SYNE1: variants seen among roughly 807,000 people sequenced by gnomAD.
The protein encoded by SYNE1 is nesprin-1.
SYNE1 carries 616 observed loss-of-function variants against 1,111.0 expected under a neutral mutation model. The ratio of observed to expected loss-of-function variants is 0.55; its 90% CI spans 0.52 to 0.59. The LOEUF (loss-of-function observed/expected upper bound fraction) is 0.59, where lower values mean the gene tolerates loss of function less well. Among genes scored for constraint, SYNE1 ranks in the 20% least tolerant of loss-of-function variants. The pLI is 0.00. For synonymous variants in SYNE1, 3,855 were observed against 3,825.8 expected (o/e 1.01, Z -0.28); for missense variants, 10,006 against 10,417.0 (o/e 0.96, Z 1.72).
At position 152,428,378 on chromosome 6, in the gene SYNE1, G is replaced by A. The variant is rs1171814322; in HGVS notation, c.4803C>T (p.Ala1601=). Residue 1601 remains alanine, a synonymous_variant, in exon 37 of 146, where the codon GCC becomes GCT. Transcript: ENST00000367255. The part of the protein sequence containing the change: ...VLQEHMDLCQ[A]LESLSSAITA... ...TGATCGCGCTGCTCAGTGACTCCAGGGCCTGGCAGAGATCCTAAGAAGAGT... is the reference window on the plus strand; with the variant it reads ...TGATCGCGCTGCTCAGTGACTCCAGAGCCTGGCAGAGATCCTAAGAAGAGT... The A allele has an allele frequency of 3.1e-6, 5 of 1,613,604 alleles. No individual in the cohort carries two copies. The African/African-American group carries it at 5.3e-5, about 17-fold the overall frequency.
intron 3 of SYNE1, among the ~76,000 whole-genome samples, chr6:152,577,702 G>A (rs2099503914): frequency 6.6e-6 from 1 of 151,756 alleles, no homozygotes; most frequent in Non-Finnish European, 1.5e-5. Context: ...TTTTCCAGAC[G>A]GGAGTTGGAG....
chr6:152,255,169 T>C, intron 103 of SYNE1, 80 bp from the exon 104 acceptor site: 1 of 1,206,782 alleles, frequency 8.3e-7, no homozygotes, highest in East Asian at 2.5e-5. Flanking sequence ...TCATAGAAAG[T>C]CAACTAGATC....
chr6:152,504,569 CA>C (rs2154330474), intron 9 of SYNE1, among the ~76,000 whole-genome samples: 1 of 152,120 alleles, frequency 6.6e-6, no homozygotes, highest in East Asian at 1.9e-4. Context: ...ATTGCCAGCC[CA>C]AATAAGAAAT....
rs375171315 is a variant in SYNE1 at position 152,628,365 on chromosome 6, G to A, written c.-34C>T. 6.2e-7 allele frequency: 1 copy of A among 1,608,748 alleles called. No homozygotes were observed. Among genetic ancestry groups the A allele is most frequent in the Non-Finnish European group, 8.5e-7 (1 of 1,175,324 alleles). On this transcript the variant is annotated 5_prime_UTR_variant, in exon 3 of 146. Transcript: ENST00000367255. ...CGGAAGCACGAAGCCAACACCAAGA[G>A]ACTCTTCACTGGAGGCAGCACAGGG...
intron 127 of SYNE1, among the ~76,000 whole-genome samples, chr6:152,195,843 G>GGAGTCTGAAAATAGCAGGTGAAGGA (rs57572896): frequency 2.0e-5 from 3 of 152,048 alleles, no homozygotes; most frequent in Non-Finnish European, 1.5e-5. Context: ...CAAGGCCCTA[G>GGAGTCTGAAAATAGCAGGTGAAGGA]GCCATACAGG....
chr6:152,331,552 T>C lies in SYNE1; in HGVS notation c.13133A>G (p.Asp4378Gly), dbSNP rs2096248232. 1 of 1,614,148 alleles carries C rather than the reference T, an allele frequency of 6.2e-7. No individual in the cohort carries two copies. Among genetic ancestry groups the C allele is most frequent in the Admixed American group, 1.7e-5 (1 of 60,026 alleles). The change falls in exon 78 of 146, where the codon GAT (aspartate) becomes GGT (glycine). Residue 4378 changes from aspartate (D) to glycine (G), a missense_variant. Transcript: ENST00000367255. ...AEALKQSPPPDMAQNLLMDHL... is the reference protein window; with the variant it reads ...AEALKQSPPPGMAQNLLMDHL... ...ATCCATGAGAAGGTTCTGAGCCATA[T>C]CTGGAGGAGGGCTCTGCTTAAGGGC...
chr6:152,386,984 C>T, intron 54 of SYNE1, 88 bp downstream of exon 54: 1 of 1,210,834 alleles, frequency 8.3e-7, no homozygotes, highest in East Asian at 2.6e-5. Context: ...TTTACCTGAC[C>T]TTGGCAACAG....
At chr6:152,401,027 T>G (rs1406574363) in intron 47 of SYNE1, 111 bp downstream of exon 47, 1 of 1,033,498 alleles carries the variant, frequency 9.7e-7, no homozygotes, top group Admixed American at 2.0e-5. Context: ...GTTGGTCTGG[T>G]GTTCATATGG....
intron 34 of SYNE1, among the ~76,000 whole-genome samples, chr6:152,432,431 C>G (rs1592585852): frequency 6.6e-6 from 1 of 152,150 alleles, no homozygotes; most frequent in East Asian, 1.9e-4. Context: ...ATATCTTTTT[C>G]CTGGTATTCA....
chr6:152,417,053 A>C, intron 40 of SYNE1, 38 bp from the exon 41 acceptor site: 4 of 1,611,266 alleles, frequency 2.5e-6, no homozygotes, highest in Non-Finnish European at 2.5e-6. Context: ...CCTGAGATAC[A>C]CTACAGTCTA....
At chr6:152,379,317 T>A (rs2097353400) in intron 56 of SYNE1, among the ~76,000 whole-genome samples, 1 of 152,164 alleles carries the variant, frequency 6.6e-6, no homozygotes, top group South Asian at 2.1e-4. Flanking sequence ...CCAAAGCTAA[T>A]ATCCCAAAGG....
At chr6:152,403,191 G>T (rs2281369) in intron 46 of SYNE1, among the ~76,000 whole-genome samples, 22,375 of 152,088 alleles carry the variant, frequency 0.15, 1,788 homozygotes, top group East Asian at 0.35. Flanking sequence ...TGAGCCTGGA[G>T]CCAGTGGGGC....
Position 152,336,856 on chromosome 6 carries a change from C to T in SYNE1, c.12513G>A (p.Met4171Ile). 1 of 1,613,692 alleles carries T rather than the reference C, an allele frequency of 6.2e-7. No individual in the cohort carries two copies. The change falls in exon 76 of 146, where the codon ATG becomes ATA. Residue 4171 changes from methionine (M) to isoleucine (I), a missense_variant. Met to Ile is a conservative substitution (Grantham distance 10, BLOSUM62 1). Coordinates refer to ENST00000367255, the MANE Select transcript of SYNE1 (RefSeq NM_182961.4). ...SELELNIAQN[M>I]VSQVKDFVKK... ...TAATTCCCACCTTAACTTGTGAAAC[C>T]ATGTTCTGTGCAATGTTCAGCTCCA...
chr6:152,206,503 C>T, intron 125 of SYNE1, 141 bp from the exon 126 acceptor site: 2 of 834,290 alleles, frequency 2.4e-6, no homozygotes. Flanking sequence ...ATGCATGCAC[C>T]AGTGAATAAA....
intron 131 of SYNE1, among the ~76,000 whole-genome samples, chr6:152,161,080 G>A (rs905753832): frequency 1.3e-5 from 2 of 150,404 alleles, no homozygotes; most frequent in Admixed American, 6.6e-5. Context: ...ACAATAATGC[G>A]AGAGTTTCAA....
Position 152,373,211 on chromosome 6 carries a change from C to CA in SYNE1, c.9332dup (p.Leu3111PhefsTer5), listed in dbSNP as rs764567392. The CA allele has an allele frequency of 6.2e-7, 1 of 1,610,604 alleles. No individual in the cohort carries two copies. ...TGTGCTGTCCATTTTCACTTTCTGACAAAAACTCCTATAAAAGAAAATATA... is the reference window on the plus strand; with the variant it reads ...TGTGCTGTCCATTTTCACTTTCTGACAAAAAACTCCTATAAAAGAAAATATA... On this transcript the variant is annotated frameshift_variant, in exon 59 of 146. Transcript: ENST00000367255. LOFTEE classifies it high-confidence loss of function.
chr6:152,308,453 TTCCTGCCC>T, intron 91 of SYNE1, 28 bp downstream of exon 91: 1 of 1,613,964 alleles, frequency 6.2e-7, no homozygotes, highest in East Asian at 2.2e-5. Context: ...TCAAGCCAGT[TTCCTGCCC>T]TCGGTATTTC....
intron 22 of SYNE1, chr6:152,456,663 C>T (rs1024435338): frequency 1.3e-4 from 56 of 437,876 alleles, no homozygotes; most frequent in African/African-American, 1.0e-3. Flanking sequence ...GCAATGGTGA[C>T]TTACAGACAC....
rs768020770 is a variant in SYNE1 at position 152,381,045 on chromosome 6, G to A, written c.8970C>T (p.Asn2990=). The A allele has an allele frequency of 8.1e-6, 13 of 1,614,026 alleles. No individual in the cohort carries two copies. The highest frequency in any genetic ancestry group is 1.0e-5 in the Non-Finnish European group (12 of 1,180,046). The change falls in exon 56 of 146, where the codon AAC becomes AAT. Residue 2990 remains asparagine (N), a synonymous_variant. Transcript: ENST00000367255. Reference sequence around the variant, plus strand: ...AGCATTCCACTATCTCCTCATCCGTGTTCTTGCCTTCCAGGAGGGTTAACT... The same window carrying A: ...AGCATTCCACTATCTCCTCATCCGTATTCTTGCCTTCCAGGAGGGTTAACT... The part of the protein sequence containing the change: ...AQQLTLLEGK[N]TDEEIVECWH...
Sources: allele counts gnomAD v4.1 joint callset (sites outside exome capture counted in the v4.1 genomes callset), GRCh38; gene constraint gnomAD v4.1.1; transcripts MANE v1.5; gene names NCBI Gene and HGNC (gene_info 2026-07-23, HGNC 2026-07-21).